Variants in EYA2 observed in about 807,000 individuals in gnomAD.
EYA2 encodes the protein EYA transcriptional coactivator and phosphatase 2, also known as protein phosphatase EYA2.
EYA2 carries 31 observed loss-of-function variants against 69.2 expected under a neutral mutation model. The observed-to-expected ratio is 0.45, with a 90% CI of 0.34 to 0.60. EYA2 has a LOEUF of 0.60. EYA2 is among the 20% of genes least tolerant of loss of function. The pLI is 0.02. For missense variants in EYA2, 622 were observed against 701.2 expected (o/e 0.89, Z 1.28); for synonymous variants, 257 against 279.4 (o/e 0.92, Z 0.80).
intron 12 of EYA2, among the ~76,000 whole-genome samples, chr20:47,173,111 G>A (rs544780274): frequency 1.4e-4 from 21 of 152,138 alleles, no homozygotes; most frequent in East Asian, 3.9e-4. Flanking sequence ...CACAAATGGC[G>A]CGGGGTGGAC....
intron 9 of EYA2, among the ~76,000 whole-genome samples, chr20:47,130,350 C>T (rs1347038326): frequency 2.2e-5 from 3 of 138,690 alleles, no homozygotes; most frequent in African/African-American, 5.9e-5. Flanking sequence ...CTGCAAGCTC[C>T]GCCTCCCAGG....
intron 1 of EYA2, among the ~76,000 whole-genome samples, chr20:46,946,910 C>T (rs1978494238): frequency 6.6e-6 from 1 of 152,172 alleles, no homozygotes; most frequent in Non-Finnish European, 1.5e-5. Flanking sequence ...TCCCCTAGAG[C>T]GTGAGTTGGC....
intron 8 of EYA2, among the ~76,000 whole-genome samples, chr20:47,090,895 G>A (rs967509191): frequency 2.6e-5 from 4 of 152,212 alleles, no homozygotes; most frequent in East Asian, 3.9e-4. Context: ...CCGGAAGTAA[G>A]CTACTGTTGT....
intron 9 of EYA2, among the ~76,000 whole-genome samples, chr20:47,125,832 C>G (rs902143718): frequency 2.6e-5 from 4 of 151,990 alleles, no homozygotes; most frequent in Non-Finnish European, 4.4e-5. Flanking sequence ...TTTAAAGACC[C>G]AGTTGGCTTG....
rs764520783 is a variant in EYA2, at chr20:47,172,718, TCTC to T, written c.1051_1053del (p.Ser351del). ...TCCTCTCTCCGCAGCACATACAACT[TCTC>T]CGCTGACGGCTTCCACAGTTCGGCC... On this transcript the variant is annotated inframe_deletion, in exon 12 of 16. Transcript: ENST00000327619. The T allele has an allele frequency of 1.2e-5, 19 of 1,612,294 alleles. No individual in the cohort carries two copies. Among genetic ancestry groups the T allele is most frequent in the Non-Finnish European group, 5.1e-6 (6 of 1,179,316 alleles).
At chr20:47,091,678 GA>G (rs1568772821) in intron 8 of EYA2, among the ~76,000 whole-genome samples, 1 of 151,336 alleles carries the variant, frequency 6.6e-6, no homozygotes, top group Non-Finnish European at 1.5e-5. Flanking sequence ...CCAGGAGGTA[GA>G]GGCTGCGTTG....
At chr20:47,046,507 C>T (rs999873988) in intron 5 of EYA2, among the ~76,000 whole-genome samples, 1 of 152,306 alleles carries the variant, frequency 6.6e-6, no homozygotes, top group East Asian at 1.9e-4. Flanking sequence ...CTGTGGGCTG[C>T]CCACCAGAAT....
chr20:47,165,974 G>C (rs995344465), intron 10 of EYA2, among the ~76,000 whole-genome samples: 2 of 151,992 alleles, frequency 1.3e-5, no homozygotes, highest in Non-Finnish European at 2.9e-5. Context: ...AGGATCACTT[G>C]AGCCCAGAAA....
At chr20:47,164,964 C>G (rs945254951) in intron 10 of EYA2, among the ~76,000 whole-genome samples, 10 of 152,216 alleles carry the variant, frequency 6.6e-5, no homozygotes, top group Non-Finnish European at 4.4e-5. Flanking sequence ...AGCTGCCGGC[C>G]TGGCTCCCTC....
At chr20:47,112,862 CTTT>C (rs11473217) in intron 9 of EYA2, among the ~76,000 whole-genome samples, 23 of 55,832 alleles carry the variant, frequency 4.1e-4, no homozygotes, top group South Asian at 9.5e-4. Flanking sequence ...ATGTTCACTC[CTTT>C]TTTTTTTTTT....
intron 5 of EYA2, among the ~76,000 whole-genome samples, chr20:47,027,397 A>G (rs1275267799): frequency 5.3e-5 from 8 of 152,124 alleles, no homozygotes; most frequent in Non-Finnish European, 8.8e-5. Context: ...TCTGCACACA[A>G]TGAAGTGGGT....
chr20:46,905,524 A>T (rs13045320), intron 1 of EYA2, among the ~76,000 whole-genome samples: 1 of 152,228 alleles, frequency 6.6e-6, no homozygotes, highest in Non-Finnish European at 1.5e-5. Flanking sequence ...AGCACATGGA[A>T]AAAGTAACGT....
At chr20:47,026,198 T>C (rs1205671592) in intron 5 of EYA2, among the ~76,000 whole-genome samples, 1 of 152,220 alleles carries the variant, frequency 6.6e-6, no homozygotes, top group Non-Finnish European at 1.5e-5. Flanking sequence ...ATATGAACTA[T>C]TGAATGAATG....
At chr20:47,102,291 A>C (rs1005368033) in intron 9 of EYA2, among the ~76,000 whole-genome samples, 1 of 152,196 alleles carries the variant, frequency 6.6e-6, no homozygotes, top group African/African-American at 2.4e-5. Flanking sequence ...AGCCAAATCA[A>C]GAGCCCACTC....
chr20:47,088,091 C>T (rs1191539969), intron 7 of EYA2, among the ~76,000 whole-genome samples: 3 of 151,994 alleles, frequency 2.0e-5, no homozygotes, highest in African/African-American at 7.2e-5. Flanking sequence ...AAAAATTAGC[C>T]GGGCATGGTG....
At chr20:47,152,740 G>A (rs2033847183) in intron 10 of EYA2, among the ~76,000 whole-genome samples, 1 of 151,624 alleles carries the variant, frequency 6.6e-6, no homozygotes, top group South Asian at 2.1e-4. Context: ...GAACCCAGGA[G>A]GCAATGGTCG....
chr20:47,133,675 G>T (rs566415209), intron 9 of EYA2, among the ~76,000 whole-genome samples: 2 of 152,274 alleles, frequency 1.3e-5, no homozygotes, highest in East Asian at 3.9e-4. Context: ...GGCACATGGG[G>T]TGAAATCCAG....
chr20:47,167,312 C>T lies in EYA2; in HGVS notation c.979-1827C>T, dbSNP rs540599810. 4.5e-3 allele frequency among the ~76,000 whole-genome samples: 556 copies of T among 122,202 alleles called. 3 individuals carry two copies. Among genetic ancestry groups the T allele is most frequent in the African/African-American group, 0.017 (518 of 30,426 alleles). 80.2% of individuals were successfully genotyped at this position (122,202 alleles called of 152,430 possible). A position where few individuals can be genotyped will look rare whatever the true frequency, so the allele number is the denominator to read the frequency against. On this transcript the variant is annotated intron_variant, in intron 10 of 15. Transcript: ENST00000327619. ...TTTTTTTTTTTTTGAGACAGAGTCT[C>T]GCTCTGTCGCCCAGGCTGGCGTGCA...
At chr20:47,127,666 T>C (rs1600727975) in intron 9 of EYA2, among the ~76,000 whole-genome samples, 1 of 152,244 alleles carries the variant, frequency 6.6e-6, no homozygotes, top group Non-Finnish European at 1.5e-5. Context: ...CTGATGCCTC[T>C]TTGGGGCTCC....
Sources: allele counts gnomAD v4.1 joint callset (sites outside exome capture counted in the v4.1 genomes callset), GRCh38; gene constraint gnomAD v4.1.1; transcripts MANE v1.5; gene names NCBI Gene and HGNC (gene_info 2026-07-23, HGNC 2026-07-21).